Variants in CALN1 observed in about 807,000 individuals in gnomAD.
The protein encoded by CALN1 is calneuron 1, also known as calcium-binding protein 8.
Under a neutral mutation model 30.6 loss-of-function variants are expected in CALN1, and 17 were observed. The observed-to-expected ratio is 0.56, with a 90% CI of 0.38 to 0.83. The LOEUF is 0.83. CALN1 is among the 40% of genes least tolerant of loss of function. The pLI, the probability that CALN1 is intolerant of heterozygous loss-of-function variation, is 0.00. For synonymous variants in CALN1, 156 were observed against 131.4 expected, an observed-to-expected ratio of 1.19 and a Z score of -1.28; for missense variants, 291 against 354.9, an observed-to-expected ratio of 0.82 and a Z score of 1.45.
At chr7:72,477,938 G>A in the CALN1 span, among the ~76,000 whole-genome samples, 10 of 151,990 alleles carry the variant, frequency 6.6e-5, no homozygotes, top group Non-Finnish European at 1.2e-4. Flanking sequence ...AGTTACATTC[G>A]TATCACGCTT....
chr7:72,259,976 C>T (rs545574941), intron 3 of CALN1, among the ~76,000 whole-genome samples: 1 of 152,340 alleles, frequency 6.6e-6, no homozygotes, highest in African/African-American at 2.4e-5. Flanking sequence ...AAAAGCAAAA[C>T]ACTCCAGTGC....
At chr7:71,879,518 T>C (rs557375401) in intron 5 of CALN1, among the ~76,000 whole-genome samples, 2 of 152,296 alleles carry the variant, frequency 1.3e-5, no homozygotes, top group East Asian at 3.9e-4. Flanking sequence ...GCAGAGATTG[T>C]GGGGTTTCTG....
At chr7:72,487,632 G>T in the CALN1 span, among the ~76,000 whole-genome samples, 1 of 149,662 alleles carries the variant, frequency 6.7e-6, no homozygotes, top group East Asian at 2.0e-4. Context: ...GTTGCAGTGA[G>T]CCAAGATTGC....
chr7:72,233,206 A>G (rs930164349), intron 3 of CALN1, among the ~76,000 whole-genome samples: 3 of 151,924 alleles, frequency 2.0e-5, no homozygotes, highest in Non-Finnish European at 2.9e-5. Context: ...AAAAAAAAAA[A>G]AAGAAGGCAC....
chr7:71,959,248 T>G (rs771015428), intron 5 of CALN1, among the ~76,000 whole-genome samples: 4 of 152,166 alleles, frequency 2.6e-5, no homozygotes, highest in Non-Finnish European at 4.4e-5. Context: ...CAAGCTAACA[T>G]GAAATCTAAT....
intron 5 of CALN1, among the ~76,000 whole-genome samples, chr7:71,902,135 A>C (rs1793883927): frequency 6.6e-6 from 1 of 152,114 alleles, no homozygotes; most frequent in South Asian, 2.1e-4. Context: ...GAGGCTGGAG[A>C]ATGGTGTGAA....
At chr7:72,251,807 T>G (rs759034319) in intron 3 of CALN1, among the ~76,000 whole-genome samples, 3 of 152,170 alleles carry the variant, frequency 2.0e-5, no homozygotes, top group Non-Finnish European at 4.4e-5. Flanking sequence ...ATATCCTGGT[T>G]GTAATACAGT....
At chr7:72,336,821 G>A in intron 2 of CALN1, 1 of 985,096 alleles carries the variant, frequency 1.0e-6, no homozygotes, top group Non-Finnish European at 1.2e-6. Context: ...CGAGCGGGCA[G>A]CGCTCAGCCT....
intron 5 of CALN1, among the ~76,000 whole-genome samples, chr7:71,877,356 G>C (rs899635760): frequency 6.6e-6 from 1 of 152,122 alleles, no homozygotes; most frequent in Non-Finnish European, 1.5e-5. Flanking sequence ...ACAGGTTCTA[G>C]TGAATGCAGC....
chr7:72,136,784 A>G (rs1380035610), intron 3 of CALN1, among the ~76,000 whole-genome samples: 1 of 152,186 alleles, frequency 6.6e-6, no homozygotes, highest in Non-Finnish European at 1.5e-5. Flanking sequence ...GTGTTATTGT[A>G]TCTCAGGGAA....
chr7:72,129,483 A>C (rs1184322214), intron 3 of CALN1, among the ~76,000 whole-genome samples: 1 of 152,188 alleles, frequency 6.6e-6, no homozygotes, highest in Non-Finnish European at 1.5e-5. Context: ...AATTTTAAAG[A>C]TCATATTTAA....
At chr7:72,040,218 T>C (rs188972508) in intron 4 of CALN1, among the ~76,000 whole-genome samples, 79 of 152,194 alleles carry the variant, frequency 5.2e-4, no homozygotes, top group Middle Eastern at 3.4e-3. Flanking sequence ...TTCATGCTTG[T>C]AATCTCATCA....
chr7:72,191,715 T>C (rs1362571379), intron 3 of CALN1, among the ~76,000 whole-genome samples: 1 of 152,024 alleles, frequency 6.6e-6, no homozygotes, highest in Admixed American at 6.6e-5. Flanking sequence ...CATCACAAAT[T>C]CCCACAGACC....
At chr7:72,211,621 G>A (rs752380502) in intron 3 of CALN1, among the ~76,000 whole-genome samples, 1 of 152,144 alleles carries the variant, frequency 6.6e-6, no homozygotes, top group Non-Finnish European at 1.5e-5. Flanking sequence ...GAAAAACAAG[G>A]CCTGGTACAT....
chr7:71,883,308 G>A (rs991453363), intron 5 of CALN1, among the ~76,000 whole-genome samples: 5 of 152,032 alleles, frequency 3.3e-5, no homozygotes, highest in Admixed American at 1.3e-4. Context: ...TCTAGGTTTG[G>A]AAGGCCTAGA....
intron 3 of CALN1, among the ~76,000 whole-genome samples, chr7:72,232,718 C>T (rs1021858354): frequency 6.6e-6 from 1 of 152,142 alleles, no homozygotes; most frequent in Non-Finnish European, 1.5e-5. Context: ...TCTTGGCCTC[C>T]CAAAGTGCTG....
chr7:72,286,667 T>C (rs1007904592), intron 2 of CALN1, among the ~76,000 whole-genome samples: 1 of 152,218 alleles, frequency 6.6e-6, no homozygotes, highest in Non-Finnish European at 1.5e-5. Flanking sequence ...TTTGTTCCCC[T>C]GTTAAAATCC....
intron 6 of CALN1, among the ~76,000 whole-genome samples, chr7:71,789,392 G>T (rs560799909): frequency 6.6e-6 from 1 of 152,204 alleles, no homozygotes; most frequent in Admixed American, 6.5e-5. Context: ...GCTTCAGCCT[G>T]GGAGACAGAG....
At chr7:72,418,633 T>C (rs930823359) in intron 1 of CALN1, among the ~76,000 whole-genome samples, 11 of 151,900 alleles carry the variant, frequency 7.2e-5, no homozygotes, top group Non-Finnish European at 1.3e-4. Flanking sequence ...CCGGCTCACA[T>C]AGGGCTCCTG....
Sources: gnomAD v4.1 joint callset for allele counts (sites outside exome capture counted in the v4.1 genomes callset) on GRCh38, gnomAD v4.1.1 for gene constraint, MANE v1.5 for transcripts, NCBI Gene and HGNC (gene_info 2026-07-23, HGNC 2026-07-21) for gene names.